The following ADARB2 variants were observed in gnomAD, a reference collection of about 807,000 sequenced individuals.
The protein encoded by ADARB2 is adenosine deaminase RNA specific B2 (inactive), also known as inactive double-stranded RNA-specific editase B2.
In ADARB2, 25 loss-of-function variants were observed where a neutral mutation model predicts 62.2. The observed-to-expected ratio is 0.40, with a 90% CI of 0.29 to 0.56. ADARB2 has a LOEUF of 0.56. ADARB2 is among the 20% of genes least tolerant of loss of function. ADARB2 has a pLI of 0.43. For missense variants in ADARB2, 1,071 were observed against 1,077.4 expected (o/e 0.99, Z 0.08); for synonymous variants, 572 against 500.8 (o/e 1.14, Z -1.90).
chr10:1,269,123 C>T (rs955381723), intron 4 of ADARB2, among the ~76,000 whole-genome samples: 2 of 152,134 alleles, frequency 1.3e-5, no homozygotes, highest in East Asian at 1.9e-4. Flanking sequence ...ACTCCCTCCC[C>T]CTACCCTTCC....
At position 1,712,611 on chromosome 10, in the gene ADARB2, C is replaced by CA. The variant is rs1554736818; in HGVS notation, c.100+24439_100+24440insT. On this transcript the variant is annotated intron_variant, in intron 1 of 9. Transcript: ENST00000381312. Reference sequence around the variant, plus strand: ...CTTCCAGTTACTGAAACCACCATTACTTTTTTTTTTTTTGAAACGGAGTCT... The same window carrying CA: ...CTTCCAGTTACTGAAACCACCATTACATTTTTTTTTTTTTGAAACGGAGTCT... Among the ~76,000 whole-genome samples, 5 of 138,682 alleles carry CA rather than the reference C, an allele frequency of 3.6e-5. No individual in the cohort carries two copies. In the East Asian group the frequency reaches 1.1e-3, roughly 31 times the overall value. The allele number at this position is 138,682 out of a possible 152,430, so 91.0% of individuals were successfully genotyped here.
chr10:1,723,337 T>C (rs1330138339), intron 1 of ADARB2, among the ~76,000 whole-genome samples: 1 of 152,230 alleles, frequency 6.6e-6, no homozygotes, highest in East Asian at 1.9e-4. Context: ...CCCGTGGCCT[T>C]TCTGAACCCA....
intron 3 of ADARB2, 52 bp downstream of exon 3, chr10:1,362,976 C>G (rs1393586553): frequency 3.1e-6 from 4 of 1,272,846 alleles, no homozygotes; most frequent in African/African-American, 3.1e-5. Flanking sequence ...GTCGGGGTCT[C>G]CCCCGCGCCC....
chr10:1,617,254 T>C (rs1232114005), intron 1 of ADARB2, among the ~76,000 whole-genome samples: 8 of 149,820 alleles, frequency 5.3e-5, no homozygotes, highest in South Asian at 2.2e-4. Context: ...TCCTGGGAAC[T>C]GGCCTCAGAG....
intron 3 of ADARB2, among the ~76,000 whole-genome samples, chr10:1,360,016 G>A (rs1832237252): frequency 6.6e-6 from 1 of 152,260 alleles, no homozygotes; most frequent in Admixed American, 6.5e-5. Flanking sequence ...GCCTTTGGCG[G>A]AGAGCACTGA....
At chr10:1,450,329 A>C (rs545904403) in intron 1 of ADARB2, among the ~76,000 whole-genome samples, 7 of 152,336 alleles carry the variant, frequency 4.6e-5, no homozygotes, top group African/African-American at 1.7e-4. Context: ...GTGTCTGTCC[A>C]CTTCGTTTCC....
chr10:1,242,231 G>C lies in ADARB2; in HGVS notation c.1261C>G (p.Leu421Val). 6.2e-7 allele frequency: 1 copy of C among 1,600,848 alleles called. No homozygotes were observed. The highest frequency in any genetic ancestry group is 8.5e-7 in the Non-Finnish European group (1 of 1,175,042). Reference protein sequence around the residue: ...SGTKCISGEHLSDQGLVVNDC... With the variant: ...SGTKCISGEHVSDQGLVVNDC... ...TTCACCACCAGCCCCTGGTCACTGA[G>C]GTGCTCGCCGCTGATGCACTTGGTC... is the stretch of plus-strand genomic sequence containing the variant. Residue 421 changes from leucine (L) to valine (V), a missense_variant, in exon 5 of 10, where the codon CTC becomes GTC. By Grantham distance (32) the Leu-to-Val change is conservative. Coordinates refer to ENST00000381312, the MANE Select transcript of ADARB2 (RefSeq NM_018702.4).
chr10:1,498,561 T>C (rs576671184), intron 1 of ADARB2, among the ~76,000 whole-genome samples: 1 of 152,056 alleles, frequency 6.6e-6, no homozygotes, highest in Non-Finnish European at 1.5e-5. Context: ...TTACTGTTTA[T>C]AAAAACCAAA....
intron 9 of ADARB2, among the ~76,000 whole-genome samples, chr10:1,184,200 C>T (rs1338403428): frequency 6.6e-6 from 1 of 152,138 alleles, no homozygotes; most frequent in Non-Finnish European, 1.5e-5. Context: ...CAAATCAACA[C>T]TATTATTCCT....
At chr10:1,431,531 T>C (rs573711328) in intron 1 of ADARB2, among the ~76,000 whole-genome samples, 3 of 152,212 alleles carry the variant, frequency 2.0e-5, no homozygotes, top group East Asian at 1.9e-4. Flanking sequence ...CTCAAATCAA[T>C]GGTGCAAGTT....
chr10:1,702,840 T>A (rs1189644129), intron 1 of ADARB2, among the ~76,000 whole-genome samples: 1 of 152,242 alleles, frequency 6.6e-6, no homozygotes, highest in Non-Finnish European at 1.5e-5. Context: ...GTATGGGTTA[T>A]TTTTAAAAGC....
intron 1 of ADARB2, among the ~76,000 whole-genome samples, chr10:1,637,573 G>T (rs1332202867): frequency 6.6e-6 from 1 of 152,184 alleles, no homozygotes; most frequent in Non-Finnish European, 1.5e-5. Context: ...TTGATCCTAA[G>T]AAGTTACAAT....
intron 1 of ADARB2, among the ~76,000 whole-genome samples, chr10:1,527,121 G>T (rs544056343): frequency 1.0e-3 from 152 of 152,310 alleles, no homozygotes; most frequent in African/African-American, 3.5e-3. Flanking sequence ...GGAGCCTGAG[G>T]AGAATGACAA....
chr10:1,371,750 T>C (rs890986338), intron 2 of ADARB2, among the ~76,000 whole-genome samples: 3 of 141,438 alleles, frequency 2.1e-5, no homozygotes, highest in Non-Finnish European at 4.5e-5. Context: ...TGAGATGTCA[T>C]CTTACCCCAG....
At chr10:1,434,238 C>T (rs2131891368) in intron 1 of ADARB2, among the ~76,000 whole-genome samples, 1 of 152,224 alleles carries the variant, frequency 6.6e-6, no homozygotes, top group South Asian at 2.1e-4. Flanking sequence ...AGGTGATGTA[C>T]ACAGAGGCCG....
intron 1 of ADARB2, among the ~76,000 whole-genome samples, chr10:1,641,150 C>T (rs1833974232): frequency 6.6e-6 from 1 of 152,016 alleles, no homozygotes; most frequent in Non-Finnish European, 1.5e-5. Flanking sequence ...CATGTGTTAC[C>T]AAGGGTGGAT....
chr10:1,703,266 G>T (rs1486748205), intron 1 of ADARB2, among the ~76,000 whole-genome samples: 5 of 152,106 alleles, frequency 3.3e-5, no homozygotes, highest in African/African-American at 1.2e-4. Context: ...GCTGCAGGTT[G>T]AAGGGGCATC....
chr10:1,494,373 A>C (rs1564307397), intron 1 of ADARB2, among the ~76,000 whole-genome samples: 1 of 152,180 alleles, frequency 6.6e-6, no homozygotes, highest in Non-Finnish European at 1.5e-5. Context: ...AAATATGTAA[A>C]TATTTGCATA....
chr10:1,190,275 C>T (rs931022110), intron 8 of ADARB2, among the ~76,000 whole-genome samples: 2 of 151,850 alleles, frequency 1.3e-5, no homozygotes, highest in Non-Finnish European at 2.9e-5. Flanking sequence ...ACGCTTCTCA[C>T]TCTGCAGGCC....
Sources: gnomAD v4.1 joint callset for allele counts (sites outside exome capture counted in the v4.1 genomes callset) on GRCh38, gnomAD v4.1.1 for gene constraint, MANE v1.5 for transcripts, NCBI Gene and HGNC (gene_info 2026-07-23, HGNC 2026-07-21) for gene names.